ANKS1B: variants seen among roughly 807,000 people sequenced by gnomAD.
ANKS1B encodes the protein ankyrin repeat and sterile alpha motif domain-containing protein 1B.
A neutral mutation model predicts 148.3 loss-of-function variants in ANKS1B; 36 were observed. The ratio of observed to expected loss-of-function variants is 0.24; its 90% confidence interval spans 0.19 to 0.32. The LOEUF is 0.32. Among genes scored for constraint, ANKS1B ranks in the 10% least tolerant of loss-of-function variants. The probability of loss-of-function intolerance (pLI) is 1.00; values close to 1 mark genes in which losing one functional copy is unlikely to be tolerated. For missense variants in ANKS1B, 1,157 were observed against 1,542.6 expected (o/e 0.75, Z 4.19); for synonymous variants, 542 against 560.8 (o/e 0.97, Z 0.47).
At position 98,930,192 on chromosome 12, in the gene ANKS1B, G is replaced by A. The variant is rs117133821; in HGVS notation, c.2779-98056C>T. ...CAATAAACACATGAAAAGTTACACA[G>A]CCTCACTAGTCATCAGGGAAATGCA... On this transcript the variant is annotated intron_variant, in intron 17 of 26. Transcript: ENST00000683438. Among the ~76,000 whole-genome samples the A allele has an allele frequency of 1.4e-3, 209 of 152,126 alleles. 1 individual carries two copies. Among genetic ancestry groups the A allele is most frequent in the South Asian group, 5.2e-3 (25 of 4,830 alleles).
intron 12 of ANKS1B, among the ~76,000 whole-genome samples, chr12:99,340,183 C>A (rs1180585005): frequency 6.6e-6 from 1 of 152,110 alleles, no homozygotes; most frequent in Non-Finnish European, 1.5e-5. Flanking sequence ...AAGTTGCAAA[C>A]CTAATCAATG....
intron 17 of ANKS1B, among the ~76,000 whole-genome samples, chr12:98,955,876 T>A (rs1183101449): frequency 2.0e-5 from 3 of 152,214 alleles, no homozygotes; most frequent in Non-Finnish European, 4.4e-5. Flanking sequence ...ATTGGTGGAA[T>A]GAACGAATAA....
chr12:99,917,421 G>A (rs2094204889), intron 1 of ANKS1B, among the ~76,000 whole-genome samples: 1 of 152,100 alleles, frequency 6.6e-6, no homozygotes. Flanking sequence ...GGGCATAAAA[G>A]CATATACTCC....
At chr12:99,804,210 G>T (rs540949042) in intron 4 of ANKS1B, among the ~76,000 whole-genome samples, 1 of 152,210 alleles carries the variant, frequency 6.6e-6, no homozygotes, top group East Asian at 1.9e-4. Context: ...AAGTGTGAAA[G>T]CAGTACATCC....
rs2152749956 is a variant in ANKS1B at position 99,431,421 on chromosome 12, T to C, written c.1575+12252A>G. 1.3e-5 allele frequency among the ~76,000 whole-genome samples: 2 copies of C among 152,294 alleles called. 1 individual carries two copies. Reference sequence around the variant, plus strand: ...AGATGAGTGGAAAATCAAACCAGAATGGAATTGTTAGGGTCAGCTATAAAG... The same window carrying C: ...AGATGAGTGGAAAATCAAACCAGAACGGAATTGTTAGGGTCAGCTATAAAG... On this transcript the variant is annotated intron_variant, in intron 11 of 26. Coordinates refer to ENST00000683438, the MANE Select transcript of ANKS1B (RefSeq NM_001352186.2).
intron 14 of ANKS1B, among the ~76,000 whole-genome samples, chr12:99,165,172 T>C (rs1008077846): frequency 1.8e-4 from 27 of 151,962 alleles, no homozygotes; most frequent in African/African-American, 6.0e-4. Flanking sequence ...ATGTCTACCT[T>C]AGAAATGACA....
At chr12:99,127,893 T>C (rs2064886394) in intron 15 of ANKS1B, among the ~76,000 whole-genome samples, 1 of 152,192 alleles carries the variant, frequency 6.6e-6, no homozygotes, top group Non-Finnish European at 1.5e-5. Context: ...GAGACAAGGA[T>C]GAACACAATT....
intron 9 of ANKS1B, among the ~76,000 whole-genome samples, chr12:99,560,072 G>A (rs2097316834): frequency 1.3e-5 from 2 of 152,102 alleles, no homozygotes; most frequent in African/African-American, 2.4e-5. Context: ...ACAGTATGAA[G>A]CATTCAGTAA....
chr12:98,739,105 C>T (rs888943012), downstream of ANKS1B, among the ~76,000 whole-genome samples: 5 of 152,138 alleles, frequency 3.3e-5, no homozygotes, highest in African/African-American at 4.8e-5. Context: ...TTTCCAGGGC[C>T]CCACAGCCAA....
At chr12:99,050,710 G>A in intron 17 of ANKS1B, among the ~76,000 whole-genome samples, 1 of 24,362 alleles carries the variant, frequency 4.1e-5, no homozygotes, top group South Asian at 1.2e-3. Context: ...TTTTTTTTTT[G>A]AGACAGAGTC....
intron 12 of ANKS1B, among the ~76,000 whole-genome samples, chr12:99,261,101 GAA>G (rs1332763144): frequency 6.6e-6 from 1 of 152,120 alleles, no homozygotes; most frequent in Admixed American, 6.6e-5. Flanking sequence ...CTCTGCAAAA[GAA>G]AAGTCTCTTA....
chr12:99,471,190 G>GT (rs2096236231), intron 10 of ANKS1B, among the ~76,000 whole-genome samples: 1 of 151,934 alleles, frequency 6.6e-6, no homozygotes, highest in Admixed American at 6.6e-5. Context: ...TGAAAGTAAA[G>GT]TTTTCATTCT....
chr12:99,341,736 T>C (rs1385815615), intron 12 of ANKS1B, among the ~76,000 whole-genome samples: 1 of 152,002 alleles, frequency 6.6e-6, no homozygotes, highest in Non-Finnish European at 1.5e-5. Context: ...TGTAAGTAGG[T>C]AGAGGTAGGC....
Position 98,744,198 on chromosome 12 carries a change from A to AAT in ANKS1B, c.*1539_*1540dup, listed in dbSNP as rs1364950600. ...ATACATATCAACAGTGAATAGGCAAAATATATACAAGGAACTGTTCAGTTC... is the reference window on the plus strand; with the variant it reads ...ATACATATCAACAGTGAATAGGCAAAATATATATACAAGGAACTGTTCAGTTC... On this transcript the variant is annotated 3_prime_UTR_variant, in exon 27 of 27. Coordinates refer to ENST00000683438, the MANE Select transcript of ANKS1B (RefSeq NM_001352186.2). 2.1e-6 allele frequency: 2 copies of AAT among 974,816 alleles called. No homozygotes were observed. The highest frequency in any genetic ancestry group is 2.4e-6 in the Non-Finnish European group (2 of 819,898). 60.4% of individuals were successfully genotyped at this position (974,816 alleles called of 1,614,324 possible). A position where few individuals can be genotyped will look rare whatever the true frequency, so the allele number is the denominator to read the frequency against.
intron 8 of ANKS1B, among the ~76,000 whole-genome samples, chr12:99,732,099 CAT>C (rs2059218249): frequency 1.3e-5 from 2 of 152,096 alleles, no homozygotes; most frequent in African/African-American, 4.8e-5. Context: ...AAATTAAAAA[CAT>C]AGGATTGCAC....
At chr12:99,682,977 C>A (rs575722660) in intron 8 of ANKS1B, among the ~76,000 whole-genome samples, 1 of 152,004 alleles carries the variant, frequency 6.6e-6, no homozygotes, top group Admixed American at 6.6e-5. Context: ...ACTGGGGAGG[C>A]CTAACAATCA....
chr12:99,395,350 GC>G (rs1718506404), intron 12 of ANKS1B, among the ~76,000 whole-genome samples: 1 of 152,094 alleles, frequency 6.6e-6, no homozygotes, highest in South Asian at 2.1e-4. Flanking sequence ...GCTTATTAGG[GC>G]CTTACATAAT....
chr12:99,100,858 T>C (rs1487609491), intron 15 of ANKS1B, among the ~76,000 whole-genome samples: 1 of 152,160 alleles, frequency 6.6e-6, no homozygotes, highest in Non-Finnish European at 1.5e-5. Flanking sequence ...ATGCAGCACA[T>C]ACAATGATTA....
intron 8 of ANKS1B, among the ~76,000 whole-genome samples, chr12:99,755,632 C>CTGGA (rs2061502238): frequency 7.8e-6 from 1 of 127,738 alleles, no homozygotes; most frequent in African/African-American, 3.0e-5. Context: ...CTGAATCTGG[C>CTGGA]AGCAAATGAA....
Sources: allele counts gnomAD v4.1 joint callset (sites outside exome capture counted in the v4.1 genomes callset), GRCh38; gene constraint gnomAD v4.1.1; transcripts MANE v1.5; gene names NCBI Gene and HGNC (gene_info 2026-07-23, HGNC 2026-07-21).